CACNA2D4: variants seen among roughly 807,000 people sequenced by gnomAD.
CACNA2D4 encodes calcium voltage-gated channel auxiliary subunit alpha2delta 4.
In CACNA2D4, 157 loss-of-function variants were observed where a neutral mutation model predicts 163.8. That is an observed-to-expected ratio of 0.96 (90% CI 0.84 to 1.09). The LOEUF is 1.09. Ranked by LOEUF, CACNA2D4 falls within the 50% of genes least tolerant of loss-of-function variation. The pLI is 0.00. For synonymous variants in CACNA2D4, 598 were observed against 586.9 expected, an observed-to-expected ratio of 1.02 and a Z score of -0.27; for missense variants, 1,410 against 1,479.9, an observed-to-expected ratio of 0.95 and a Z score of 0.78.
intron 6 of CACNA2D4, among the ~76,000 whole-genome samples, chr12:1,899,784 A>G (rs552846552): frequency 6.6e-6 from 1 of 152,318 alleles, no homozygotes; most frequent in Admixed American, 6.5e-5. Flanking sequence ...CTATGAAGCT[A>G]GTATAATTTT....
intron 23 of CACNA2D4, among the ~76,000 whole-genome samples, chr12:1,850,654 C>T (rs981867833): frequency 2.0e-5 from 3 of 152,176 alleles, no homozygotes; most frequent in South Asian, 2.1e-4. Context: ...CCTGTAATCC[C>T]AGCACTTTGG....
Position 1,869,677 on chromosome 12 carries a change from T to C in CACNA2D4, c.1878+4927A>G, listed in dbSNP as rs1419701168. Among the ~76,000 whole-genome samples, 2 of 152,210 alleles carry C rather than the reference T, an allele frequency of 1.3e-5. No individual in the cohort carries two copies. Among genetic ancestry groups the C allele is most frequent in the Non-Finnish European group, 2.9e-5 (2 of 68,040 alleles). On this transcript the variant is annotated intron_variant, in intron 18 of 37. Coordinates refer to ENST00000382722, the MANE Select transcript of CACNA2D4 (RefSeq NM_172364.5). The surrounding 1 kb of genome is among the most constrained non-coding windows in gnomAD (Gnocchi z 4.7). ...ATTGGATGCAGACACCAGCTTTCCATAGATTTCATAAACAGCTCCCACAGT... is the reference window on the plus strand; with the variant it reads ...ATTGGATGCAGACACCAGCTTTCCACAGATTTCATAAACAGCTCCCACAGT...
intron 3 of CACNA2D4, 147 bp downstream of exon 3, chr12:1,912,876 G>C: frequency 1.7e-6 from 1 of 597,266 alleles, no homozygotes; most frequent in Non-Finnish European, 3.0e-6. Context: ...GGTTCTTTTG[G>C]CTAACGAAGG....
intron 26 of CACNA2D4, among the ~76,000 whole-genome samples, chr12:1,826,408 C>G (rs898779687): frequency 1.7e-5 from 1 of 60,040 alleles, no homozygotes; most frequent in Non-Finnish European, 4.5e-5. Flanking sequence ...GAGCCCCCCC[C>G]CCCCCCCCGC....
chr12:1,878,445 G>A lies in CACNA2D4; in HGVS notation c.1645-56C>T, dbSNP rs1865926282. 1 of 1,557,740 alleles carries A rather than the reference G, an allele frequency of 6.4e-7. No homozygotes were observed. The highest frequency in any genetic ancestry group is 1.2e-5 in the South Asian group (1 of 84,448). ...GCCTGCTGTTTGTGCTGGGCATCTG[G>A]AGTTGGGCAGGGGTTTGGGGGCCAC... On this transcript the variant is annotated intron_variant, in intron 15 of 37. Transcript: ENST00000382722. This position sits in a 1 kb window ranked among gnomAD's most constrained non-coding sequence, Gnocchi z 4.6.
At chr12:1,912,128 C>T (rs554141262) in intron 3 of CACNA2D4, among the ~76,000 whole-genome samples, 1 of 152,228 alleles carries the variant, frequency 6.6e-6, no homozygotes, top group Non-Finnish European at 1.5e-5. Context: ...GAGGCCGCAG[C>T]TCGCCTGCCC....
intron 26 of CACNA2D4, among the ~76,000 whole-genome samples, chr12:1,837,276 C>G (rs1384198750): frequency 2.6e-5 from 4 of 152,202 alleles, no homozygotes; most frequent in African/African-American, 9.7e-5. Context: ...TGGGTTCTTT[C>G]AGCCTCACTG....
rs369684560 is a variant in CACNA2D4, at chr12:1,907,869, G to A, written c.649+6C>T. The A allele has an allele frequency of 6.2e-7, 1 of 1,613,890 alleles. No homozygotes were observed. The highest frequency in any genetic ancestry group is 8.5e-7 in the Non-Finnish European group (1 of 1,179,862). On this transcript the variant is annotated splice_donor_region_variant and intron_variant, in intron 5 of 37. Coordinates refer to ENST00000382722, the MANE Select transcript of CACNA2D4 (RefSeq NM_172364.5). ...TGAGTGTGCCTGAGCTGAGCGTGCC[G>A]GCTACCTTTGTTGTACACGTTGGTG...
chr12:1,825,878 A>T (rs1193032418), intron 26 of CACNA2D4, among the ~76,000 whole-genome samples: 1 of 152,184 alleles, frequency 6.6e-6, no homozygotes, highest in Non-Finnish European at 1.5e-5. Context: ...AGTGATCAAC[A>T]TCTCTGCCTT....
chr12:1,792,746 C>T lies in CACNA2D4; in HGVS notation c.*909G>A, dbSNP rs1380314147. The T allele has an allele frequency of 3.9e-5, 6 of 152,140 alleles. No homozygotes were observed. The highest frequency in any genetic ancestry group is 5.9e-5 in the Non-Finnish European group (4 of 68,022). The allele number at this position is 152,140 out of a possible 1,614,324, so 9.4% of individuals were successfully genotyped here. ...GCAAGTTGGAATGTTCCCACAAGTT[C>T]CAACCCTAAGGATTTCACTCCAGGG... On this transcript the variant is annotated 3_prime_UTR_variant, in exon 38 of 38. Transcript: ENST00000382722.
chr12:1,890,439 C>T (rs1866252744), intron 6 of CACNA2D4, among the ~76,000 whole-genome samples: 1 of 152,240 alleles, frequency 6.6e-6, no homozygotes, highest in African/African-American at 2.4e-5. Flanking sequence ...AATAACCCCA[C>T]TGCCCTTGGC....
chr12:1,810,283 G>A lies in CACNA2D4; in HGVS notation c.2716C>T (p.Arg906Ter), dbSNP rs763125834. 2.5e-6 allele frequency: 4 copies of A among 1,613,162 alleles called. No homozygotes were observed. Among genetic ancestry groups the A allele is most frequent in the East Asian group, 2.2e-5 (1 of 44,878 alleles). ...CTATATCCCCAGTGACTCACCTCTC[G>A]GGACCTCTTGGAGATCAGAATGAAC... Reference protein sequence around the residue: ...NGFILISKRSRETGRFLGEVD... With the variant: ...NGFILISKRS Residue 906 changes from arginine (R) to a stop codon, truncating the protein, a stop_gained, in exon 29 of 38, where the codon CGA (arginine) becomes TGA (stop). Transcript: ENST00000382722. LOFTEE classifies it high-confidence loss of function.
chr12:1,795,825 G>C, intron 35 of CACNA2D4, 45 bp from the exon 36 acceptor site: 1 of 1,223,300 alleles, frequency 8.2e-7, no homozygotes, highest in Non-Finnish European at 1.2e-6. Flanking sequence ...TGGCGACCAC[G>C]AGAAGGGCTT....
At position 1,874,518 on chromosome 12, in the gene CACNA2D4, T is replaced by C. The variant is rs149444145; in HGVS notation, c.1878+86A>G. The C allele has an allele frequency of 5.8e-4, 521 of 892,598 alleles. 4 individuals are homozygous for C. In the South Asian group the frequency reaches 7.2e-3, roughly 12 times the overall value. 55.3% of individuals were successfully genotyped at this position (892,598 alleles called of 1,614,324 possible). A position where few individuals can be genotyped will look rare whatever the true frequency, so the allele number is the denominator to read the frequency against. ...CTCAACTCTTCAGCTATAATTAGGC[T>C]AAGTCCAGGTCCCTCGTCACTACTC... On this transcript the variant is annotated intron_variant, in intron 18 of 37. Coordinates refer to ENST00000382722, the MANE Select transcript of CACNA2D4 (RefSeq NM_172364.5). This position sits in a 1 kb window ranked among gnomAD's most constrained non-coding sequence, Gnocchi z 4.4.
chr12:1,886,982 G>T (rs747952153), intron 7 of CACNA2D4, 27 bp downstream of exon 7: 2 of 1,546,498 alleles, frequency 1.3e-6, no homozygotes, highest in Non-Finnish European at 1.8e-6. Flanking sequence ...TACCCGGGCC[G>T]CAAACCTTTC....
intron 29 of CACNA2D4, among the ~76,000 whole-genome samples, chr12:1,809,210 A>C (rs1401341472): frequency 6.6e-6 from 1 of 152,116 alleles, no homozygotes; most frequent in African/African-American, 2.4e-5. Context: ...ACTTCTTTGG[A>C]TCCGAAGCCG....
chr12:1,826,701 C>G (rs1864344217), intron 26 of CACNA2D4, among the ~76,000 whole-genome samples: 1 of 121,252 alleles, frequency 8.2e-6, no homozygotes. Flanking sequence ...GCAGGCTGCC[C>G]TTGCCGGGGG....
At chr12:1,817,514 C>T (rs1045434384) in intron 26 of CACNA2D4, among the ~76,000 whole-genome samples, 19 of 152,266 alleles carry the variant, frequency 1.2e-4, no homozygotes, top group African/African-American at 4.1e-4. Flanking sequence ...TCTCTTTCCC[C>T]GGTCTCCCTC....
chr12:1,796,045 G>C (rs1415882877), intron 35 of CACNA2D4: 1 of 494,012 alleles, frequency 2.0e-6, no homozygotes, highest in Non-Finnish European at 3.7e-6. Flanking sequence ...GCTTTGGAGA[G>C]TGCAGAGTTG....
Sources: allele counts gnomAD v4.1 joint callset (sites outside exome capture counted in the v4.1 genomes callset), GRCh38; gene constraint gnomAD v4.1.1; non-coding constraint Gnocchi (gnomAD v3.1); transcripts MANE v1.5; gene names NCBI Gene and HGNC (gene_info 2026-07-23, HGNC 2026-07-21).